TFEB: variants seen among roughly 807,000 people sequenced by gnomAD.
TFEB encodes the protein transcription factor EB.
A neutral mutation model predicts 48.0 loss-of-function variants in TFEB; 12 were observed. That is an observed-to-expected ratio of 0.25 (90% CI 0.16 to 0.40). TFEB has a LOEUF of 0.40. TFEB is among the 10% of genes least tolerant of loss of function. The pLI is 1.00. For missense variants in TFEB, 509 were observed against 640.3 expected (o/e 0.79, Z 2.21); for synonymous variants, 244 against 261.4 (o/e 0.93, Z 0.64).
chr6:41,734,806 C>T lies in TFEB; in HGVS notation c.-23+544G>A, dbSNP rs910213990. 1.5e-5 allele frequency: 12 copies of T among 812,514 alleles called. No homozygotes were observed. The highest frequency in any genetic ancestry group is 1.8e-5 in the Non-Finnish European group (12 of 671,932). 50.3% of individuals were successfully genotyped at this position (812,514 alleles called of 1,614,324 possible). A position where few individuals can be genotyped will look rare whatever the true frequency, so the allele number is the denominator to read the frequency against. ...GAGAGATGGTACTTCCACCCGCCCC[C>T]CCATCAGCCCAGCCCCCGGGGCGTG... On this transcript the variant is annotated intron_variant, in intron 1 of 8. Transcript: ENST00000373033. The surrounding 1 kb of genome is among the most constrained non-coding windows in gnomAD (Gnocchi z 4.0).
chr6:41,736,184 T>C (rs1369342366), upstream of TFEB: 2 of 1,612,908 alleles, frequency 1.2e-6, no homozygotes, highest in Non-Finnish European at 1.7e-6. Context: ...ACAGAAATTG[T>C]CTGAGCTCCT....
At chr6:41,729,136 A>T (rs1771346772) in intron 1 of TFEB, among the ~76,000 whole-genome samples, 1 of 150,878 alleles carries the variant, frequency 6.6e-6, no homozygotes, top group Non-Finnish European at 1.5e-5. Context: ...GGGACCTGCC[A>T]CCTCTTCTCA....
chr6:41,691,257 A>G lies in TFEB; in HGVS notation c.-22-22T>C, dbSNP rs1200150081. On this transcript the variant is annotated intron_variant, in intron 1 of 8. Transcript: ENST00000373033. The surrounding 1 kb of genome is among the most constrained non-coding windows in gnomAD (Gnocchi z 5.2). The stretch of plus-strand genomic sequence containing the variant: ...CTCCCTGTGGATGAGAAGGGGCAGC[A>G]GGTATATGAGGCACGTGTCCTCCTC... 3 of 1,552,434 alleles carry G rather than the reference A, an allele frequency of 1.9e-6. No homozygotes were observed. The highest frequency in any genetic ancestry group is 2.6e-6 in the Non-Finnish European group (3 of 1,146,554).
chr6:41,687,446 T>C (rs796871460), intron 6 of TFEB, among the ~76,000 whole-genome samples: 21 of 152,342 alleles, frequency 1.4e-4, no homozygotes, highest in African/African-American at 5.1e-4. Context: ...TCTTCCCTGC[T>C]ACACAGAACT....
Position 41,684,497 on chromosome 6 carries a change from G to T in TFEB, c.*102C>A, listed in dbSNP as rs1768880514. ...GGGGAGGAGGGAGGCAGGGCAGGTG[G>T]CTACTTCACACACAGTGCAGCCTGA... On this transcript the variant is annotated 3_prime_UTR_variant, in exon 9 of 9. Coordinates refer to ENST00000373033, the MANE Select transcript of TFEB (RefSeq NM_001271944.2). 2 of 1,362,210 alleles carry T rather than the reference G, an allele frequency of 1.5e-6. No individual in the cohort carries two copies. Among genetic ancestry groups the T allele is most frequent in the South Asian group, 1.7e-5 (1 of 59,844 alleles). 84.4% of individuals were successfully genotyped at this position (1,362,210 alleles called of 1,614,324 possible). A position where few individuals can be genotyped will look rare whatever the true frequency, so the allele number is the denominator to read the frequency against.
intron 1 of TFEB, among the ~76,000 whole-genome samples, chr6:41,695,040 C>T (rs934448227): frequency 2.0e-4 from 30 of 152,202 alleles, no homozygotes; most frequent in Non-Finnish European, 4.0e-4. Flanking sequence ...AGACTGGGTT[C>T]CAGCTTAGTC....
intron 1 of TFEB, among the ~76,000 whole-genome samples, chr6:41,711,162 A>G (rs1261833204): frequency 1.3e-5 from 2 of 152,336 alleles, no homozygotes; most frequent in South Asian, 2.1e-4. Context: ...GTATTAATTC[A>G]TTTGGCCTTC....
intron 4 of TFEB, 182 bp from the exon 5 acceptor site, chr6:41,688,210 T>C (rs1769117114): frequency 1.5e-6 from 1 of 653,752 alleles, no homozygotes; most frequent in Non-Finnish European, 2.5e-6. Context: ...TATTATAAGA[T>C]GTAGTCCCTG....
intron 1 of TFEB, chr6:41,733,661 T>G: frequency 1.0e-6 from 1 of 985,380 alleles, no homozygotes; most frequent in Non-Finnish European, 1.2e-6. Context: ...GGTGAAAGCA[T>G]ACCGTCAGGT....
intron 1 of TFEB, among the ~76,000 whole-genome samples, chr6:41,721,052 C>T (rs1159133458): frequency 6.6e-6 from 1 of 151,816 alleles, no homozygotes; most frequent in South Asian, 2.1e-4. Flanking sequence ...CAACCATTCA[C>T]CCCAGGCATC....
intron 1 of TFEB, among the ~76,000 whole-genome samples, chr6:41,718,650 C>G (rs1171729480): frequency 6.6e-6 from 1 of 151,922 alleles, no homozygotes; most frequent in Non-Finnish European, 1.5e-5. Context: ...ACTATCATCT[C>G]CCCATTCCCC....
rs920495730 is a variant in TFEB, at chr6:41,732,607, A to C, written c.-23+2743T>G. On this transcript the variant is annotated intron_variant, in intron 1 of 8. Coordinates refer to ENST00000373033, the MANE Select transcript of TFEB (RefSeq NM_001271944.2). ...ACACACACAAACTCACAACCATTAC[A>C]TAAACCCCACACCAACCCAGAAAGC... The C allele has an allele frequency of 1.4e-5, 14 of 985,840 alleles. No individual in the cohort carries two copies. In the African/African-American group the frequency reaches 2.3e-4, roughly 16 times the overall value. The allele number at this position is 985,840 out of a possible 1,614,324, so 61.1% of individuals were successfully genotyped here. A position where few individuals can be genotyped will look rare whatever the true frequency, so the allele number is the denominator to read the frequency against.
In TFEB at chr6:41,723,430, C is replaced by T. The variant is rs1210810362; in HGVS notation, c.-23+11920G>A. On this transcript the variant is annotated intron_variant, in intron 1 of 8. Transcript: ENST00000373033. This position sits in a 1 kb window ranked among gnomAD's most constrained non-coding sequence, Gnocchi z 6.0. ...ACACATGCTCACACACATGCACACACTCACACACATGCACGCGTGTGCTCT... is the reference window on the plus strand; with the variant it reads ...ACACATGCTCACACACATGCACACATTCACACACATGCACGCGTGTGCTCT... 1.7e-6 allele frequency: 2 copies of T among 1,211,280 alleles called. No homozygotes were observed. The highest frequency in any genetic ancestry group is 2.4e-4 in the Middle Eastern group (1 of 4,160). 75.0% of individuals were successfully genotyped at this position (1,211,280 alleles called of 1,614,324 possible).
In TFEB at chr6:41,734,860, G is replaced by A; in HGVS notation, c.-23+490C>T. Reference sequence around the variant, plus strand: ...CCGCTCTGGCCCTCCCACTCCCCCCGCTGGCCTGGCCAGACTCAGCCCCCG... The same window carrying A: ...CCGCTCTGGCCCTCCCACTCCCCCCACTGGCCTGGCCAGACTCAGCCCCCG... On this transcript the variant is annotated intron_variant, in intron 1 of 8. Transcript: ENST00000373033. This position sits in a 1 kb window ranked among gnomAD's most constrained non-coding sequence, Gnocchi z 4.0. The A allele has an allele frequency of 1.1e-6, 1 of 927,268 alleles. No individual in the cohort carries two copies. The highest frequency in any genetic ancestry group is 1.3e-6 in the Non-Finnish European group (1 of 785,572). 57.4% of individuals were successfully genotyped at this position (927,268 alleles called of 1,614,324 possible).
Position 41,721,715 on chromosome 6 carries a change from C to T in TFEB, c.-23+13635G>A, listed in dbSNP as rs368622406. 2.3e-4 allele frequency among the ~76,000 whole-genome samples: 35 copies of T among 152,336 alleles called. 1 individual carries two copies. Among genetic ancestry groups the T allele is most frequent in the East Asian group, 1.4e-3 (7 of 5,184 alleles). On this transcript the variant is annotated intron_variant, in intron 1 of 8. Coordinates refer to ENST00000373033, the MANE Select transcript of TFEB (RefSeq NM_001271944.2). ...ATTTTACTATGGTGTCTTATTTCAT[C>T]CTCACCATCACCCTAGGAGATAGGA...
chr6:41,686,493 G>C, intron 7 of TFEB: 2 of 340,148 alleles, frequency 5.9e-6, no homozygotes, highest in South Asian at 8.6e-5. Flanking sequence ...CAAGACTCCA[G>C]CCCAGCCTAC....
rs1307553766 is a variant in TFEB at position 41,720,892 on chromosome 6, A to G, written c.-23+14458T>C. 6.6e-6 allele frequency among the ~76,000 whole-genome samples: 1 copy of G among 152,180 alleles called. No homozygotes were observed. Among genetic ancestry groups the G allele is most frequent in the Non-Finnish European group, 1.5e-5 (1 of 68,030 alleles). On this transcript the variant is annotated intron_variant, in intron 1 of 8. Transcript: ENST00000373033. This position sits in a 1 kb window ranked among gnomAD's most constrained non-coding sequence, Gnocchi z 4.1. ...ACAATAAATGTAATGTTCTTGAATA[A>G]TCCTGAGACCCCAACCTCCACCCAA...
At chr6:41,712,005 C>T (rs1012579673) in intron 1 of TFEB, among the ~76,000 whole-genome samples, 3 of 152,168 alleles carry the variant, frequency 2.0e-5, no homozygotes, top group Non-Finnish European at 4.4e-5. Flanking sequence ...CTTCGCACAG[C>T]CTATAGAGCT....
chr6:41,729,186 C>T (rs1771350225), intron 1 of TFEB, among the ~76,000 whole-genome samples: 1 of 152,000 alleles, frequency 6.6e-6, no homozygotes, highest in South Asian at 2.1e-4. Flanking sequence ...CCAGTTTCCA[C>T]AAACAACTCC....
Sources: allele counts gnomAD v4.1 joint callset (sites outside exome capture counted in the v4.1 genomes callset), GRCh38; gene constraint gnomAD v4.1.1; non-coding constraint Gnocchi (gnomAD v3.1); transcripts MANE v1.5; gene names NCBI Gene and HGNC (gene_info 2026-07-23, HGNC 2026-07-21).